MBOAT2: variants seen among roughly 807,000 people sequenced by gnomAD.
The protein encoded by MBOAT2 is membrane bound glycerophospholipid O-acyltransferase 2.
Under a neutral mutation model 63.4 loss-of-function variants are expected in MBOAT2, and 28 were observed. That is an observed-to-expected ratio of 0.44 (90% confidence interval 0.33 to 0.61). The LOEUF (loss-of-function observed/expected upper bound fraction) is 0.61. Among genes scored for constraint, MBOAT2 ranks in the 20% least tolerant of loss-of-function variants. The pLI, the probability that MBOAT2 is intolerant of heterozygous loss-of-function variation, is 0.03. For missense variants in MBOAT2, 470 were observed against 605.8 expected, an observed-to-expected ratio of 0.78 and a Z score of 2.35; for synonymous variants, 211 against 215.6, an observed-to-expected ratio of 0.98 and a Z score of 0.19.
At chr2:8,947,003 C>T (rs1387858273) in intron 2 of MBOAT2, among the ~76,000 whole-genome samples, 3 of 152,208 alleles carry the variant, frequency 2.0e-5, no homozygotes, top group African/African-American at 7.2e-5. Context: ...AAAGCCAAGA[C>T]AGGCTGAAAG....
intron 11 of MBOAT2, among the ~76,000 whole-genome samples, chr2:8,861,551 G>A (rs910111893): frequency 6.6e-6 from 1 of 152,236 alleles, no homozygotes; most frequent in African/African-American, 2.4e-5. Context: ...AGCTAGGCAA[G>A]AGATAGCAGA....
At chr2:8,902,212 C>T (rs927060426) in intron 4 of MBOAT2, among the ~76,000 whole-genome samples, 3 of 152,178 alleles carry the variant, frequency 2.0e-5, no homozygotes, top group Non-Finnish European at 2.9e-5. Context: ...CCGTGCTAGT[C>T]GCTTTTAACT....
rs186836571 is a variant in MBOAT2 at position 8,912,413 on chromosome 2, A to C, written c.300-3697T>G. On this transcript the variant is annotated intron_variant, in intron 3 of 12. Transcript: ENST00000305997. ...AAAGAAAGAAAGAAAGAAAGAAAGA[A>C]AGACAGGCCGGCCGGCCTTGAAAAC... Among the ~76,000 whole-genome samples the C allele has an allele frequency of 3.6e-3, 496 of 136,812 alleles. 3 individuals carry two copies. Among genetic ancestry groups the C allele is most frequent in the African/African-American group, 9.3e-3 (345 of 36,958 alleles). The allele number at this position is 136,812 out of a possible 152,430, so 89.8% of individuals were successfully genotyped here. A position where few individuals can be genotyped will look rare whatever the true frequency, so the allele number is the denominator to read the frequency against.
rs374553775 is a variant in MBOAT2 at position 8,902,556 on chromosome 2, C to T, written c.395+6065G>A. Among the ~76,000 whole-genome samples, 9 of 152,124 alleles carry T rather than the reference C, an allele frequency of 5.9e-5. No homozygotes were observed. In the East Asian group the frequency reaches 1.4e-3, roughly 23 times the overall value. ...CTGCAGACCTTCGTGGTGACTGTTA[C>T]AGCTCTTAAAGGCGGTGCGTCTGGA... On this transcript the variant is annotated intron_variant, in intron 4 of 12. Transcript: ENST00000305997.
chr2:8,995,842 C>T lies in MBOAT2; in HGVS notation c.75+7698G>A, dbSNP rs186322289. Among the ~76,000 whole-genome samples the T allele has an allele frequency of 6.3e-3, 952 of 152,314 alleles. 3 individuals are homozygous for T. Among genetic ancestry groups the T allele is most frequent in the Non-Finnish European group, 9.9e-3 (673 of 68,026 alleles). ...TCCTGACCTTGTGATCCGCCCGCCT[C>T]GGCCTCCCAAAGTGCTGGGATTACA... On this transcript the variant is annotated intron_variant, in intron 1 of 12. Coordinates refer to ENST00000305997, the MANE Select transcript of MBOAT2 (RefSeq NM_138799.4).
At chr2:8,868,025 C>T (rs1386927365) in intron 9 of MBOAT2, among the ~76,000 whole-genome samples, 1 of 152,194 alleles carries the variant, frequency 6.6e-6, no homozygotes, top group African/African-American at 2.4e-5. Flanking sequence ...AGCTGCACAG[C>T]TCTCGGCTCC....
intron 4 of MBOAT2, among the ~76,000 whole-genome samples, chr2:8,894,178 C>A (rs1664242775): frequency 6.6e-6 from 1 of 152,182 alleles, no homozygotes; most frequent in Admixed American, 6.5e-5. Flanking sequence ...TCAACTCCCA[C>A]TTATGAGTGA....
chr2:8,937,617 T>C (rs940145459), intron 3 of MBOAT2, among the ~76,000 whole-genome samples: 2 of 151,264 alleles, frequency 1.3e-5, no homozygotes, highest in Non-Finnish European at 2.9e-5. Context: ...AATCTGAGAG[T>C]CAGGAGGAGA....
intron 3 of MBOAT2, among the ~76,000 whole-genome samples, chr2:8,915,054 T>C (rs898960917): frequency 1.4e-5 from 2 of 143,746 alleles, no homozygotes; most frequent in African/African-American, 5.2e-5. Flanking sequence ...TGCTCCTGCC[T>C]CAGCCTCCCG....
At chr2:8,962,109 C>T (rs1009357903) in intron 1 of MBOAT2, among the ~76,000 whole-genome samples, 13 of 152,152 alleles carry the variant, frequency 8.5e-5, no homozygotes, top group African/African-American at 3.1e-4. Context: ...CTCAGAGGAC[C>T]CAAGCTGACA....
At chr2:8,967,550 T>C (rs976167767) in intron 1 of MBOAT2, among the ~76,000 whole-genome samples, 1 of 152,048 alleles carries the variant, frequency 6.6e-6, no homozygotes, top group Non-Finnish European at 1.5e-5. Flanking sequence ...ACAATAAAAA[T>C]GTCAATAGGA....
At position 8,896,604 on chromosome 2, in the gene MBOAT2, T is replaced by C. The variant is rs1195338495; in HGVS notation, c.396-8531A>G. ...AACCTTGTTAAGTTTGGGATTTTAA[T>C]TTTTCTTTGCTATTAATAAGACCTT... is the stretch of plus-strand genomic sequence containing the variant. On this transcript the variant is annotated intron_variant, in intron 4 of 12. Transcript: ENST00000305997. 2.0e-5 allele frequency among the ~76,000 whole-genome samples: 3 copies of C among 152,238 alleles called. No homozygotes were observed. In the East Asian group the frequency reaches 5.8e-4, roughly 29 times the overall value.
chr2:8,872,194 CTTTGCTCATGA>C (rs1662375516), intron 8 of MBOAT2, among the ~76,000 whole-genome samples: 1 of 152,238 alleles, frequency 6.6e-6, no homozygotes, highest in South Asian at 2.1e-4. Context: ...CTCCATGTCT[CTTTGCTCATGA>C]GTGCAAAACT....
intron 2 of MBOAT2, 146 bp from the exon 3 acceptor site, chr2:8,943,410 G>C (rs1044219231): frequency 7.8e-5 from 38 of 489,114 alleles, no homozygotes; most frequent in African/African-American, 7.5e-4. Context: ...TTAAAATCCT[G>C]TGGACACCCT....
intron 4 of MBOAT2, among the ~76,000 whole-genome samples, chr2:8,905,756 TAACA>T (rs746441951): frequency 1.1e-4 from 17 of 152,316 alleles, no homozygotes; most frequent in Non-Finnish European, 1.5e-4. Flanking sequence ...TATACGTATG[TAACA>T]AACCTGCACG....
At chr2:8,893,375 A>T (rs933287528) in intron 4 of MBOAT2, among the ~76,000 whole-genome samples, 1 of 152,212 alleles carries the variant, frequency 6.6e-6, no homozygotes, top group Admixed American at 6.5e-5. Flanking sequence ...GCAGCTGGAC[A>T]TAAGAGTCAG....
At position 8,881,759 on chromosome 2, in the gene MBOAT2, A is replaced by C. The variant is rs574815312; in HGVS notation, c.506+752T>G. Among the ~76,000 whole-genome samples the C allele has an allele frequency of 3.9e-5, 6 of 152,316 alleles. No homozygotes were observed. The East Asian group carries it at 1.2e-3, about 29-fold the overall frequency. ...ACATTTTTAAAGACAGGAAAATACA[A>C]AAAGACCCCCAAGACATGCTACTTG... On this transcript the variant is annotated intron_variant, in intron 6 of 12. Coordinates refer to ENST00000305997, the MANE Select transcript of MBOAT2 (RefSeq NM_138799.4).
Position 8,877,014 on chromosome 2 carries a change from A to C in MBOAT2, c.690+16T>G. 1 of 1,592,212 alleles carries C rather than the reference A, an allele frequency of 6.3e-7. No homozygotes were observed. On this transcript the variant is annotated intron_variant, in intron 7 of 12. Coordinates refer to ENST00000305997, the MANE Select transcript of MBOAT2 (RefSeq NM_138799.4). ...ATACATGCTGTAAAGGCTCCAGATA[A>C]ATCTCATGACCTTACATTTGGAGAT...
At chr2:8,970,919 C>A (rs1275784733) in intron 1 of MBOAT2, among the ~76,000 whole-genome samples, 1 of 152,064 alleles carries the variant, frequency 6.6e-6, no homozygotes, top group Non-Finnish European at 1.5e-5. Flanking sequence ...ACATTCACAG[C>A]CAATTTCTAC....
Sources: gnomAD v4.1 joint callset for allele counts (sites outside exome capture counted in the v4.1 genomes callset) on GRCh38, gnomAD v4.1.1 for gene constraint, MANE v1.5 for transcripts, NCBI Gene and HGNC (gene_info 2026-07-23, HGNC 2026-07-21) for gene names.